Variants in TAFA1 observed in about 807,000 individuals in gnomAD.
TAFA1 encodes chemokine-like protein TAFA-1.
TAFA1 carries 4 observed loss-of-function variants against 18.5 expected under a neutral mutation model. The ratio of observed to expected loss-of-function variants is 0.22; its 90% CI spans 0.11 to 0.49. The LOEUF is 0.49. TAFA1 is among the 20% of genes least tolerant of loss of function. The pLI is 0.98. For synonymous variants in TAFA1, 56 were observed against 55.2 expected (o/e 1.01, Z -0.06); for missense variants, 147 against 169.0 (o/e 0.87, Z 0.72).
At chr3:68,347,776 G>A (rs1030686616) in intron 2 of TAFA1, among the ~76,000 whole-genome samples, 12 of 152,180 alleles carry the variant, frequency 7.9e-5, no homozygotes, top group African/African-American at 2.7e-4. Context: ...ATATATTCTA[G>A]CAACAGTCAA....
At chr3:68,514,646 C>T (rs2072895368) in intron 3 of TAFA1, among the ~76,000 whole-genome samples, 2 of 151,636 alleles carry the variant, frequency 1.3e-5, no homozygotes, top group Admixed American at 1.3e-4. Context: ...CTCAAACAAG[C>T]TGTGCCTCAG....
chr3:68,150,106 A>G (rs2106919320), intron 2 of TAFA1, among the ~76,000 whole-genome samples: 1 of 152,328 alleles, frequency 6.6e-6, no homozygotes, highest in Middle Eastern at 3.4e-3. Flanking sequence ...TTATGGATGA[A>G]TTATGGATGC....
intron 3 of TAFA1, among the ~76,000 whole-genome samples, chr3:68,418,651 A>G (rs2070892668): frequency 6.6e-6 from 1 of 152,134 alleles, no homozygotes; most frequent in African/African-American, 2.4e-5. Context: ...CCTGACAAAT[A>G]TAACAATACC....
chr3:68,265,673 G>T (rs1283639527), intron 2 of TAFA1, among the ~76,000 whole-genome samples: 3 of 152,182 alleles, frequency 2.0e-5, no homozygotes, highest in Admixed American at 1.3e-4. Context: ...CTTACAGCTG[G>T]TTGGAAGGAG....
At chr3:68,138,520 C>T (rs1033960649) in intron 2 of TAFA1, among the ~76,000 whole-genome samples, 1 of 152,144 alleles carries the variant, frequency 6.6e-6, no homozygotes, top group Non-Finnish European at 1.5e-5. Context: ...GGCTGAATTT[C>T]TTTAGCCATT....
chr3:68,092,190 T>C (rs765873667), intron 2 of TAFA1, among the ~76,000 whole-genome samples: 1 of 152,186 alleles, frequency 6.6e-6, no homozygotes, highest in Non-Finnish European at 1.5e-5. Context: ...TGCATTTTTA[T>C]TGGTCTTTGG....
At chr3:68,371,194 G>A (rs2069700070) in intron 2 of TAFA1, among the ~76,000 whole-genome samples, 1 of 152,108 alleles carries the variant, frequency 6.6e-6, no homozygotes, top group Non-Finnish European at 1.5e-5. Flanking sequence ...GTAAACTGCA[G>A]ACGATTCTTA....
Position 68,261,074 on chromosome 3 carries a change from G to T in TAFA1, c.119-156206G>T, listed in dbSNP as rs559618391. 2.7e-5 allele frequency among the ~76,000 whole-genome samples: 4 copies of T among 146,410 alleles called. No homozygotes were observed. The South Asian group carries it at 8.7e-4, about 32-fold the overall frequency. ...ACAATGAACTCAAACAAATTTACAA[G>T]AAAAAAAAAACCATCAAAAAGTGGG... On this transcript the variant is annotated intron_variant, in intron 2 of 4. Transcript: ENST00000478136.
chr3:68,439,441 A>ATATATATATATATATC (rs1368084224), intron 3 of TAFA1, among the ~76,000 whole-genome samples: 1 of 128,712 alleles, frequency 7.8e-6, no homozygotes, highest in Non-Finnish European at 1.7e-5. Flanking sequence ...ATATATATAT[A>ATATATATATATATATC]TATGAGTTTA....
At chr3:68,238,818 A>T (rs2066961693) in intron 2 of TAFA1, among the ~76,000 whole-genome samples, 1 of 152,296 alleles carries the variant, frequency 6.6e-6, no homozygotes, top group East Asian at 1.9e-4. Flanking sequence ...GAACATTTAC[A>T]CCGAATGAAA....
the TAFA1 span, among the ~76,000 whole-genome samples, chr3:67,994,644 T>C: frequency 6.6e-6 from 1 of 152,222 alleles, no homozygotes; most frequent in South Asian, 2.1e-4. Context: ...GTCGGCCTCA[T>C]CCTGACAGGT....
chr3:68,368,326 G>A (rs1160525776), intron 2 of TAFA1, among the ~76,000 whole-genome samples: 2 of 152,160 alleles, frequency 1.3e-5, no homozygotes, highest in Non-Finnish European at 2.9e-5. Context: ...GAGGTGCTGA[G>A]CAGTATGGAA....
intron 2 of TAFA1, among the ~76,000 whole-genome samples, chr3:68,314,186 C>T (rs912698518): frequency 6.6e-6 from 1 of 152,068 alleles, no homozygotes; most frequent in Admixed American, 6.6e-5. Flanking sequence ...GGAAACTACC[C>T]TTTGTATTGA....
intron 2 of TAFA1, among the ~76,000 whole-genome samples, chr3:68,176,796 C>T (rs1420581067): frequency 1.3e-5 from 2 of 152,130 alleles, no homozygotes; most frequent in Non-Finnish European, 2.9e-5. Context: ...ATAATTAAGG[C>T]TACATCAGCA....
intron 2 of TAFA1, among the ~76,000 whole-genome samples, chr3:68,281,780 G>A (rs560585761): frequency 2.6e-4 from 40 of 152,174 alleles, no homozygotes; most frequent in African/African-American, 8.2e-4. Flanking sequence ...TTTACATTGC[G>A]TGGGATACTT....
At chr3:68,182,576 G>C (rs1345758455) in intron 2 of TAFA1, among the ~76,000 whole-genome samples, 1 of 152,102 alleles carries the variant, frequency 6.6e-6, no homozygotes, top group Non-Finnish European at 1.5e-5. Flanking sequence ...TGATCCTATA[G>C]AATACTGAAT....
intron 2 of TAFA1, among the ~76,000 whole-genome samples, chr3:68,365,111 T>C (rs2069540475): frequency 6.6e-6 from 1 of 152,194 alleles, no homozygotes; most frequent in African/African-American, 2.4e-5. Flanking sequence ...TAGCAGTTCA[T>C]ATACACTAAG....
At chr3:68,505,169 A>G (rs1285792584) in intron 3 of TAFA1, among the ~76,000 whole-genome samples, 1 of 152,178 alleles carries the variant, frequency 6.6e-6, no homozygotes, top group African/African-American at 2.4e-5. Context: ...GTGGATAATA[A>G]TAAGTAACTG....
At chr3:68,434,935 T>C (rs1466384116) in intron 3 of TAFA1, among the ~76,000 whole-genome samples, 1 of 152,052 alleles carries the variant, frequency 6.6e-6, no homozygotes, top group African/African-American at 2.4e-5. Flanking sequence ...TTACTAACAC[T>C]CTCTAATACT....
Sources: allele counts gnomAD v4.1 joint callset (sites outside exome capture counted in the v4.1 genomes callset), GRCh38; gene constraint gnomAD v4.1.1; transcripts MANE v1.5; gene names NCBI Gene and HGNC (gene_info 2026-07-23, HGNC 2026-07-21).